The following BMP7 variants were observed in gnomAD, a reference collection of about 807,000 sequenced individuals.
The protein encoded by BMP7 is osteogenic protein 1.
BMP7 carries 12 observed loss-of-function variants against 41.2 expected under a neutral mutation model. The observed-to-expected ratio is 0.29, with a 90% CI of 0.19 to 0.47. The LOEUF is 0.47. BMP7 is among the 20% of genes least tolerant of loss of function. BMP7 has a pLI of 0.99. For missense variants in BMP7, 467 were observed against 606.0 expected (o/e 0.77, Z 2.41); for synonymous variants, 248 against 250.0 (o/e 0.99, Z 0.07).
At chr20:57,181,089 G>A (rs984368263) in intron 4 of BMP7, among the ~76,000 whole-genome samples, 1 of 152,140 alleles carries the variant, frequency 6.6e-6, no homozygotes, top group African/African-American at 2.4e-5. Flanking sequence ...CCACATGGTG[G>A]CAGGGCAGGT....
rs1393690890 is a variant in BMP7 at position 57,170,249 on chromosome 20, T to G, written c.*710A>C. 1 of 154,474 alleles carries G rather than the reference T, an allele frequency of 6.5e-6. No individual in the cohort carries two copies. Among genetic ancestry groups the G allele is most frequent in the African/African-American group, 2.4e-5 (1 of 41,436 alleles). 9.6% of individuals were successfully genotyped at this position (154,474 alleles called of 1,614,324 possible). ...ATCCAGCTGAACAACAGAACATATTTTTCCTCCAAAGATCAACACACCGCC... is the reference window on the plus strand; with the variant it reads ...ATCCAGCTGAACAACAGAACATATTGTTCCTCCAAAGATCAACACACCGCC... On this transcript the variant is annotated 3_prime_UTR_variant, in exon 7 of 7. Coordinates refer to ENST00000395863, the MANE Select transcript of BMP7 (RefSeq NM_001719.3).
At chr20:57,186,961 A>C (rs1295487793) in intron 3 of BMP7, 1 of 152,238 alleles carries the variant, frequency 6.6e-6, no homozygotes, top group Non-Finnish European at 1.5e-5. Context: ...ATTAAAGCTG[A>C]GCCCCTAGGA....
intron 2 of BMP7, among the ~76,000 whole-genome samples, chr20:57,211,013 C>T (rs927056616): frequency 3.9e-5 from 6 of 152,224 alleles, no homozygotes; most frequent in African/African-American, 1.4e-4. Flanking sequence ...CCTCTGCTAC[C>T]TTCAGACACA....
intron 3 of BMP7, 133 bp downstream of exon 3, chr20:57,202,342 G>A (rs1315357316): frequency 3.2e-6 from 4 of 1,252,480 alleles, no homozygotes; most frequent in South Asian, 2.6e-5. Flanking sequence ...GGATCAAAAG[G>A]CTGAACATGG....
At position 57,170,934 on chromosome 20, in the gene BMP7, C is replaced by T; in HGVS notation, c.*25G>A. On this transcript the variant is annotated 3_prime_UTR_variant, in exon 7 of 7. Coordinates refer to ENST00000395863, the MANE Select transcript of BMP7 (RefSeq NM_001719.3). Reference sequence around the variant, plus strand: ...TGGAGGATCCAGAAAAACTTGGCCCCAAAGGGTCTGAATTCTCGGAGGAGC... The same window carrying T: ...TGGAGGATCCAGAAAAACTTGGCCCTAAAGGGTCTGAATTCTCGGAGGAGC... The T allele has an allele frequency of 6.2e-7, 1 of 1,611,662 alleles. No individual in the cohort carries two copies. Among genetic ancestry groups the T allele is most frequent in the Non-Finnish European group, 8.5e-7 (1 of 1,179,646 alleles).
At chr20:57,176,763 C>CACACACAT (rs1442392376) in intron 4 of BMP7, among the ~76,000 whole-genome samples, 1 of 133,218 alleles carries the variant, frequency 7.5e-6, no homozygotes, top group Non-Finnish European at 1.8e-5. Flanking sequence ...CACACACACA[C>CACACACAT]ACACACACAC....
At chr20:57,193,609 A>C (rs180907343) in intron 3 of BMP7, among the ~76,000 whole-genome samples, 34 of 152,322 alleles carry the variant, frequency 2.2e-4, no homozygotes, top group African/African-American at 7.5e-4. Flanking sequence ...GAGATCATCC[A>C]CGTAGCTGCA....
At chr20:57,235,123 A>G (rs1190454397) in intron 1 of BMP7, among the ~76,000 whole-genome samples, 1 of 152,242 alleles carries the variant, frequency 6.6e-6, no homozygotes, top group Non-Finnish European at 1.5e-5. Flanking sequence ...CTATGGAATC[A>G]CAGATGTGTT....
intron 1 of BMP7, among the ~76,000 whole-genome samples, chr20:57,260,383 C>T (rs896278917): frequency 6.6e-6 from 1 of 152,184 alleles, no homozygotes; most frequent in African/African-American, 2.4e-5. Flanking sequence ...ACAGACATCA[C>T]GGGTGTCTCC....
At chr20:57,211,703 C>T (rs73914168) in intron 2 of BMP7, among the ~76,000 whole-genome samples, 22,183 of 152,102 alleles carry the variant, frequency 0.15, 1,739 homozygotes, top group Non-Finnish European at 0.18. Context: ...GCTGTGACAG[C>T]GAAAGCAGGG....
chr20:57,244,842 G>A (rs763238976), intron 1 of BMP7, among the ~76,000 whole-genome samples: 23 of 152,234 alleles, frequency 1.5e-4, no homozygotes, highest in Non-Finnish European at 2.9e-4. Flanking sequence ...CCCCAGAGCA[G>A]CCAGAGAGGC....
intron 3 of BMP7, among the ~76,000 whole-genome samples, chr20:57,189,223 C>A (rs1294209278): frequency 6.6e-6 from 1 of 152,176 alleles, no homozygotes. Context: ...TCTTGGGGTA[C>A]AGGGGGCTCT....
intron 1 of BMP7, among the ~76,000 whole-genome samples, chr20:57,231,011 C>T (rs1443427499): frequency 6.6e-6 from 1 of 152,246 alleles, no homozygotes; most frequent in South Asian, 2.1e-4. Flanking sequence ...CTGTTGTATA[C>T]GTGTAGCGTG....
rs554476493 is a variant in BMP7 at position 57,177,038 on chromosome 20, C to G, written c.959-2031G>C. ...AGGAGTGGTGCAGTAAGCTAGCCTCCCATGGACCACACACTGCAAATTAGG... is the reference window on the plus strand; with the variant it reads ...AGGAGTGGTGCAGTAAGCTAGCCTCGCATGGACCACACACTGCAAATTAGG... On this transcript the variant is annotated intron_variant, in intron 4 of 6. Coordinates refer to ENST00000395863, the MANE Select transcript of BMP7 (RefSeq NM_001719.3). Among the ~76,000 whole-genome samples, 3 of 152,274 alleles carry G rather than the reference C, an allele frequency of 2.0e-5. No homozygotes were observed. In the East Asian group the frequency reaches 5.8e-4, roughly 29 times the overall value.
chr20:57,178,253 C>T (rs551046820), intron 4 of BMP7, among the ~76,000 whole-genome samples: 7 of 152,158 alleles, frequency 4.6e-5, no homozygotes, highest in African/African-American at 1.2e-4. Flanking sequence ...GGAGTAGCAT[C>T]GGATAGAGGA....
chr20:57,226,687 C>A (rs1325973763), intron 2 of BMP7, among the ~76,000 whole-genome samples: 1 of 152,190 alleles, frequency 6.6e-6, no homozygotes, highest in Non-Finnish European at 1.5e-5. Context: ...AACACAGATT[C>A]CTTCGCTGAT....
At chr20:57,221,194 C>T (rs230215) in intron 2 of BMP7, among the ~76,000 whole-genome samples, 100,155 of 151,992 alleles carry the variant, frequency 0.66, 34,064 homozygotes, top group African/African-American at 0.83. Flanking sequence ...CAGCCCCACA[C>T]GGTTCAGCAA....
At chr20:57,253,744 AAAAT>A (rs748783772) in intron 1 of BMP7, among the ~76,000 whole-genome samples, 7 of 152,172 alleles carry the variant, frequency 4.6e-5, no homozygotes, top group African/African-American at 1.2e-4. Context: ...TCCTTTAAAA[AAAAT>A]AAATAAACTT....
At chr20:57,212,371 C>T (rs942780122) in intron 2 of BMP7, among the ~76,000 whole-genome samples, 6 of 152,126 alleles carry the variant, frequency 3.9e-5, no homozygotes, top group South Asian at 2.1e-4. Context: ...GGCCTCTGGC[C>T]GCGGGAGGTC....
Sources: allele counts gnomAD v4.1 joint callset (sites outside exome capture counted in the v4.1 genomes callset), GRCh38; gene constraint gnomAD v4.1.1; transcripts MANE v1.5; gene names NCBI Gene and HGNC (gene_info 2026-07-23, HGNC 2026-07-21).